ECPAS: variants seen among roughly 807,000 people sequenced by gnomAD.
ECPAS encodes proteasome adapter and scaffold protein ECM29.
In ECPAS, 70 loss-of-function variants were observed where a neutral mutation model predicts 255.1. The observed-to-expected ratio is 0.27, with a 90% confidence interval of 0.23 to 0.33. The LOEUF (loss-of-function observed/expected upper bound fraction) is 0.33. ECPAS is among the 10% of genes least tolerant of loss of function. The probability of loss-of-function intolerance (pLI) is 1.00; values close to 1 mark genes in which losing one functional copy is unlikely to be tolerated. For missense variants in ECPAS, 1,817 were observed against 2,206.4 expected, an observed-to-expected ratio of 0.82 and a Z score of 3.54; for synonymous variants, 784 against 775.0, an observed-to-expected ratio of 1.01 and a Z score of -0.19.
rs568346120 is a variant in ECPAS at position 111,474,517 on chromosome 9, G to A, written c.-82-1517C>T. On this transcript the variant is annotated intron_variant, in intron 1 of 49. Transcript: ENST00000684092. Reference sequence around the variant, plus strand: ...ATTAGTCTTGCTGCTCTTGATCTCCGGATCCTTGCAATCAGTGTTACACCA... The same window carrying A: ...ATTAGTCTTGCTGCTCTTGATCTCCAGATCCTTGCAATCAGTGTTACACCA... Among the ~76,000 whole-genome samples the A allele has an allele frequency of 5.3e-5, 8 of 152,048 alleles. No homozygotes were observed. The East Asian group carries it at 9.6e-4, about 18-fold the overall frequency.
chr9:111,411,916 G>C, intron 21 of ECPAS, 98 bp downstream of exon 21: 1 of 1,108,946 alleles, frequency 9.0e-7, no homozygotes. Context: ...GAATTTGTAA[G>C]TTCATTTTAC....
intron 24 of ECPAS, among the ~76,000 whole-genome samples, chr9:111,403,707 C>G (rs1286801829): frequency 6.7e-6 from 1 of 149,878 alleles, no homozygotes; most frequent in Admixed American, 6.6e-5. Context: ...ACAGGTCATT[C>G]AGACAGAAAA....
chr9:111,410,297 T>C, intron 22 of ECPAS, 84 bp from the exon 23 acceptor site: 1 of 1,147,688 alleles, frequency 8.7e-7, no homozygotes, highest in Non-Finnish European at 1.2e-6. Context: ...CAAGGTTTTT[T>C]TTAAGACGGC....
Position 111,451,479 on chromosome 9 carries a change from G to A in ECPAS, c.99C>T (p.Phe33=). ...DEQLQNIISK[F]LPPVLLKLSS... Reference sequence around the variant, plus strand: ...AGAGTTTGAGCAAAACAGGAGGAAGGAATTTAGATATAATATTCTGTAATT... The same window carrying A: ...AGAGTTTGAGCAAAACAGGAGGAAGAAATTTAGATATAATATTCTGTAATT... Residue 33 remains phenylalanine (F), a synonymous_variant, in exon 3 of 50, where the codon TTC becomes TTT. Transcript: ENST00000684092. 1 of 1,573,058 alleles carries A rather than the reference G, an allele frequency of 6.4e-7. No individual in the cohort carries two copies. Among genetic ancestry groups the A allele is most frequent in the Non-Finnish European group, 8.6e-7 (1 of 1,158,146 alleles).
In ECPAS at chr9:111,420,079, A is replaced by G; in HGVS notation, c.1497T>C (p.Ser499=). The stretch of plus-strand genomic sequence containing the variant: ...GGATATGATCTGAGGGAAACACCGT[A>G]CTGGCAAATTTCACAGCCACTTGTC... ...QVRQVAVKFA[S]TVFPSDHIPS... The change falls in exon 16 of 50, where the codon AGT becomes AGC. Residue 499 remains serine (S), a synonymous_variant. Transcript: ENST00000684092. 1 of 1,613,172 alleles carries G rather than the reference A, an allele frequency of 6.2e-7. No homozygotes were observed. The highest frequency in any genetic ancestry group is 8.5e-7 in the Non-Finnish European group (1 of 1,179,428).
In ECPAS at chr9:111,423,179, C is replaced by T. The variant is rs777465551; in HGVS notation, c.1265+20G>A. On this transcript the variant is annotated intron_variant, in intron 13 of 49. Transcript: ENST00000684092. ...CTGTTTACCAACACCATATCTCTCA[C>T]TAAAAAAGAGTTTACTCACCTGGAG... is the stretch of plus-strand genomic sequence containing the variant. 1.3e-6 allele frequency: 2 copies of T among 1,527,980 alleles called. No individual in the cohort carries two copies. The highest frequency in any genetic ancestry group is 1.2e-5 in the South Asian group (1 of 83,234). 94.7% of individuals were successfully genotyped at this position (1,527,980 alleles called of 1,614,324 possible).
At chr9:111,475,750 A>C (rs961216301) in intron 1 of ECPAS, among the ~76,000 whole-genome samples, 6 of 151,854 alleles carry the variant, frequency 4.0e-5, no homozygotes, top group Admixed American at 6.6e-5. Context: ...AAAAAAAAAA[A>C]CCCAGAATGC....
chr9:111,479,338 C>CT (rs1429146043), intron 1 of ECPAS, among the ~76,000 whole-genome samples: 14 of 152,082 alleles, frequency 9.2e-5, no homozygotes, highest in Non-Finnish European at 1.9e-4. Flanking sequence ...TGGCTCACAC[C>CT]TTTAATTCTA....
At chr9:111,383,890 C>A (rs2098143741) in intron 34 of ECPAS, among the ~76,000 whole-genome samples, 1 of 151,988 alleles carries the variant, frequency 6.6e-6, no homozygotes, top group South Asian at 2.1e-4. Context: ...CCACTGCATT[C>A]CAGCCTGGGT....
chr9:111,410,274 C>A, intron 22 of ECPAS, 61 bp from the exon 23 acceptor site: 1 of 1,412,616 alleles, frequency 7.1e-7, no homozygotes. Context: ...CCCAAAGCAA[C>A]CAGTGATGTA....
rs772404876 is a variant in ECPAS at position 111,411,045 on chromosome 9, A to C, written c.2312T>G (p.Leu771Arg). ...AGGGAGGGTGTCAGCATTTCTCTCC[A>C]GGTCTTGTTGCTCTGACATTCTCAT... Reference protein sequence around the residue: ...KKMRMSEQQDLERNADTLPDQ... With the variant: ...KKMRMSEQQDRERNADTLPDQ... The change falls in exon 22 of 50, where the codon CTG (leucine) becomes CGG (arginine). Residue 771 changes from leucine (L) to arginine (R), a missense_variant. By Grantham distance (102) the Leu-to-Arg change is moderately radical (BLOSUM62 -2). Transcript: ENST00000684092. 1 of 1,613,920 alleles carries C rather than the reference A, an allele frequency of 6.2e-7. No individual in the cohort carries two copies. Among genetic ancestry groups the C allele is most frequent in the African/African-American group, 1.3e-5 (1 of 75,036 alleles).
At chr9:111,371,965 G>A in intron 42 of ECPAS, 136 bp from the exon 43 acceptor site, 2 of 676,480 alleles carry the variant, frequency 3.0e-6, no homozygotes, top group Middle Eastern at 3.9e-4. Context: ...TCTCTCAAAG[G>A]GAGAGAAAGT....
At chr9:111,465,869 AC>A (rs1156735028) in intron 2 of ECPAS, among the ~76,000 whole-genome samples, 1 of 151,662 alleles carries the variant, frequency 6.6e-6, no homozygotes, top group African/African-American at 2.4e-5. Context: ...CCCCATCTCT[AC>A]AAAAAATTGA....
intron 24 of ECPAS, among the ~76,000 whole-genome samples, chr9:111,403,980 T>C (rs537499640): frequency 2.0e-5 from 3 of 149,630 alleles, no homozygotes; most frequent in South Asian, 2.1e-4. Flanking sequence ...CAGAAATACA[T>C]GGAAATTAAA....
intron 21 of ECPAS, 74 bp downstream of exon 21, chr9:111,411,940 A>G: frequency 1.5e-6 from 2 of 1,336,916 alleles, no homozygotes; most frequent in Non-Finnish European, 2.0e-6. Flanking sequence ...TGAGAACATA[A>G]AAGTCAAAAA....
chr9:111,428,790 A>G (rs939216545), intron 9 of ECPAS, among the ~76,000 whole-genome samples: 3 of 152,184 alleles, frequency 2.0e-5, no homozygotes, highest in East Asian at 1.9e-4. Context: ...AGTTGAAACC[A>G]TATCAATGAA....
At chr9:111,452,948 G>A (rs1224924749) in intron 2 of ECPAS, among the ~76,000 whole-genome samples, 2 of 152,118 alleles carry the variant, frequency 1.3e-5, no homozygotes, top group Non-Finnish European at 2.9e-5. Flanking sequence ...TGCCTAAAAG[G>A]AAATGGAACA....
At chr9:111,373,627 G>C (rs16916014) in intron 39 of ECPAS, among the ~76,000 whole-genome samples, 8,478 of 152,158 alleles carry the variant, frequency 0.056, 573 homozygotes, top group African/African-American at 0.15. Flanking sequence ...AAATAAGAAC[G>C]AGGTATATAA....
intron 48 of ECPAS, among the ~76,000 whole-genome samples, chr9:111,365,088 T>G (rs1441602945): frequency 6.6e-6 from 1 of 151,922 alleles, no homozygotes; most frequent in Non-Finnish European, 1.5e-5. Context: ...CTAGCCAACA[T>G]GGTGAAACCC....
Sources: allele counts gnomAD v4.1 joint callset (sites outside exome capture counted in the v4.1 genomes callset), GRCh38; gene constraint gnomAD v4.1.1; transcripts MANE v1.5; gene names NCBI Gene and HGNC (gene_info 2026-07-23, HGNC 2026-07-21).